CPNE4: variants seen among roughly 807,000 people sequenced by gnomAD.
CPNE4 encodes copine-4.
Under a neutral mutation model 67.9 loss-of-function variants are expected in CPNE4, and 25 were observed. The ratio of observed to expected loss-of-function variants is 0.37; its 90% CI spans 0.27 to 0.51. The LOEUF (loss-of-function observed/expected upper bound fraction) is 0.51. Ranked by LOEUF, CPNE4 falls within the 20% of genes least tolerant of loss-of-function variation. CPNE4 has a pLI of 0.93. For synonymous variants in CPNE4, 242 were observed against 244.9 expected, an observed-to-expected ratio of 0.99 and a Z score of 0.11; for missense variants, 464 against 690.8, an observed-to-expected ratio of 0.67 and a Z score of 3.68.
At chr3:131,567,023 A>C (rs78144579) in intron 10 of CPNE4, among the ~76,000 whole-genome samples, 4,166 of 152,050 alleles carry the variant, frequency 0.027, 62 homozygotes, top group Middle Eastern at 0.051. Flanking sequence ...GATGCCTTCC[A>C]TCATGGGTCA....
chr3:131,952,868 TG>T (rs2071806837), intron 1 of CPNE4, among the ~76,000 whole-genome samples: 2 of 152,164 alleles, frequency 1.3e-5, no homozygotes, highest in Non-Finnish European at 2.9e-5. Flanking sequence ...GAATTAGACA[TG>T]GGAGACTTTT....
intron 10 of CPNE4, among the ~76,000 whole-genome samples, chr3:131,568,503 T>C (rs1319597545): frequency 6.6e-6 from 1 of 152,038 alleles, no homozygotes; most frequent in Non-Finnish European, 1.5e-5. Context: ...ACGTTTTCAT[T>C]TCCTGATAGG....
At chr3:131,928,021 T>C (rs2070945642) in intron 1 of CPNE4, among the ~76,000 whole-genome samples, 1 of 152,208 alleles carries the variant, frequency 6.6e-6, no homozygotes, top group African/African-American at 2.4e-5. Context: ...TTAATTTCTT[T>C]CACAGTCATG....
At position 131,646,244 on chromosome 3, in the gene CPNE4, AT is replaced by A. The variant is rs1370822871; in HGVS notation, c.681+23430del. ...TTCTTTTCCCCTTCCAGAGCAACATATTTTTTTCTTCCTCTTCTGTAAAATG... is the reference window on the plus strand; with the variant it reads ...TTCTTTTCCCCTTCCAGAGCAACATATTTTTTCTTCCTCTTCTGTAAAATG... On this transcript the variant is annotated intron_variant, in intron 7 of 15. Coordinates refer to ENST00000429747, the MANE Select transcript of CPNE4 (RefSeq NM_130808.3). Among the ~76,000 whole-genome samples, 4 of 152,204 alleles carry A rather than the reference AT, an allele frequency of 2.6e-5. No individual in the cohort carries two copies. In the East Asian group the frequency reaches 5.8e-4, roughly 22 times the overall value.
intron 5 of CPNE4, among the ~76,000 whole-genome samples, chr3:131,693,778 T>G (rs1014238897): frequency 9.2e-5 from 14 of 152,096 alleles, no homozygotes; most frequent in African/African-American, 3.1e-4. Context: ...GCTTCCTACT[T>G]CCCTGAAATA....
At chr3:131,625,864 A>G (rs1424534026) in intron 7 of CPNE4, among the ~76,000 whole-genome samples, 1 of 152,182 alleles carries the variant, frequency 6.6e-6, no homozygotes, top group African/African-American at 2.4e-5. Flanking sequence ...TAAGTCTATC[A>G]GTGTCATTTT....
chr3:131,997,639 T>G (rs961203060), intron 1 of CPNE4, among the ~76,000 whole-genome samples: 1 of 152,138 alleles, frequency 6.6e-6, no homozygotes, highest in African/African-American at 2.4e-5. Flanking sequence ...CTCATATCTT[T>G]TGTTGTAGTC....
At chr3:131,852,608 G>C (rs2086281135) in intron 2 of CPNE4, among the ~76,000 whole-genome samples, 1 of 151,686 alleles carries the variant, frequency 6.6e-6, no homozygotes, top group Non-Finnish European at 1.5e-5. Flanking sequence ...CAGGAACAAG[G>C]TAAAGATTTC....
At chr3:131,744,753 G>A (rs990122438) in intron 2 of CPNE4, among the ~76,000 whole-genome samples, 1 of 152,190 alleles carries the variant, frequency 6.6e-6, no homozygotes, top group African/African-American at 2.4e-5. Context: ...CCAGGTTGTT[G>A]TGTGTATCAG....
chr3:131,615,786 A>G (rs986344522), intron 7 of CPNE4, among the ~76,000 whole-genome samples: 5 of 151,994 alleles, frequency 3.3e-5, no homozygotes, highest in Admixed American at 6.6e-5. Context: ...GGAGGCTGAG[A>G]GGCAGCAGAA....
At chr3:131,679,526 T>A (rs145019478) in intron 6 of CPNE4, among the ~76,000 whole-genome samples, 2 of 152,150 alleles carry the variant, frequency 1.3e-5, no homozygotes, top group Admixed American at 1.3e-4. Context: ...TGTTAGGTTG[T>A]TAACTTGAGA....
intron 1 of CPNE4, among the ~76,000 whole-genome samples, chr3:132,018,186 A>G (rs1017814911): frequency 1.3e-5 from 2 of 152,360 alleles, no homozygotes; most frequent in South Asian, 4.1e-4. Flanking sequence ...TTTGCCACAT[A>G]GAAGACATCT....
At chr3:131,842,972 G>A (rs1345138281) in intron 2 of CPNE4, among the ~76,000 whole-genome samples, 1 of 151,964 alleles carries the variant, frequency 6.6e-6, no homozygotes, top group African/African-American at 2.4e-5. Context: ...GTCCTGCACC[G>A]GTGCTCTAAA....
At chr3:131,873,179 G>A (rs2087291981) in intron 2 of CPNE4, among the ~76,000 whole-genome samples, 1 of 152,198 alleles carries the variant, frequency 6.6e-6, no homozygotes, top group Admixed American at 6.5e-5. Flanking sequence ...CTAGGACCAT[G>A]CCATCTCAAC....
chr3:131,803,048 A>G (rs1021673777), intron 2 of CPNE4, among the ~76,000 whole-genome samples: 45 of 152,212 alleles, frequency 3.0e-4, no homozygotes, highest in Non-Finnish European at 6.0e-4. Context: ...TATCTATCCA[A>G]TTCAGTTTCC....
chr3:131,588,789 A>G (rs1938350272), intron 7 of CPNE4, among the ~76,000 whole-genome samples: 1 of 152,074 alleles, frequency 6.6e-6, no homozygotes. Context: ...CTCCCACATC[A>G]GGTCCTCTCC....
intron 7 of CPNE4, among the ~76,000 whole-genome samples, chr3:131,595,757 AC>A (rs1938804584): frequency 6.6e-6 from 1 of 151,828 alleles, no homozygotes; most frequent in Non-Finnish European, 1.5e-5. Flanking sequence ...TGACCCAAAC[AC>A]CTCCCACCAA....
intron 2 of CPNE4, among the ~76,000 whole-genome samples, chr3:131,833,484 A>G (rs1025471527): frequency 2.0e-5 from 3 of 152,168 alleles, no homozygotes; most frequent in Non-Finnish European, 4.4e-5. Flanking sequence ...ACTTGAGCCC[A>G]GGAGTTTGAG....
chr3:131,655,755 C>A (rs2079942103), intron 7 of CPNE4, among the ~76,000 whole-genome samples: 1 of 152,070 alleles, frequency 6.6e-6, no homozygotes, highest in Non-Finnish European at 1.5e-5. Context: ...TTAATTGAAT[C>A]CTGTTTGTTT....
Sources: gnomAD v4.1 joint callset for allele counts (sites outside exome capture counted in the v4.1 genomes callset) on GRCh38, gnomAD v4.1.1 for gene constraint, MANE v1.5 for transcripts, NCBI Gene and HGNC (gene_info 2026-07-23, HGNC 2026-07-21) for gene names.